Variants in SCAF11 observed in about 807,000 individuals in gnomAD.
SCAF11 encodes protein SCAF11.
A neutral mutation model predicts 140.5 loss-of-function variants in SCAF11; 47 were observed. That is an observed-to-expected ratio of 0.33 (90% CI 0.26 to 0.43). The LOEUF is 0.43. Among genes scored for constraint, SCAF11 ranks in the 20% least tolerant of loss-of-function variants. The pLI is 1.00. For synonymous variants in SCAF11, 557 were observed against 579.4 expected (o/e 0.96, Z 0.55); for missense variants, 1,645 against 1,705.1 (o/e 0.96, Z 0.62).
At chr12:45,941,017 C>A (rs770027824) in intron 6 of SCAF11, among the ~76,000 whole-genome samples, 3 of 152,040 alleles carry the variant, frequency 2.0e-5, no homozygotes, top group Non-Finnish European at 2.9e-5. Context: ...TTGCCTCAAT[C>A]TTATTTCTGA....
rs1240282737 is a variant in SCAF11 at position 45,990,496 on chromosome 12, T to C, written c.-165A>G. On this transcript the variant is annotated 5_prime_UTR_variant, in exon 1 of 15. Transcript: ENST00000369367. ...AGGGTCTCTAGGACACTGACTCCGCTGGCTCGGTCCGGAGGCGGCGGCGAA... is the reference window on the plus strand; with the variant it reads ...AGGGTCTCTAGGACACTGACTCCGCCGGCTCGGTCCGGAGGCGGCGGCGAA... The C allele has an allele frequency of 6.3e-5, 78 of 1,229,402 alleles. No individual in the cohort carries two copies. Among genetic ancestry groups the C allele is most frequent in the Non-Finnish European group, 7.5e-5 (74 of 987,046 alleles). 76.2% of individuals were successfully genotyped at this position (1,229,402 alleles called of 1,614,324 possible). A position where few individuals can be genotyped will look rare whatever the true frequency, so the allele number is the denominator to read the frequency against.
intron 1 of SCAF11, among the ~76,000 whole-genome samples, chr12:45,988,456 T>C (rs1442644200): frequency 1.3e-5 from 2 of 152,188 alleles, no homozygotes; most frequent in African/African-American, 2.4e-5. Context: ...CTCTGCTGAA[T>C]AAAAGCACAG....
intron 8 of SCAF11, among the ~76,000 whole-genome samples, chr12:45,933,435 T>G (rs1304920854): frequency 1.3e-5 from 2 of 152,108 alleles, no homozygotes; most frequent in African/African-American, 4.8e-5. Flanking sequence ...CAAATCAGAG[T>G]TGTATTTATA....
intron 3 of SCAF11, among the ~76,000 whole-genome samples, chr12:45,958,524 A>G (rs1423983826): frequency 6.6e-6 from 1 of 152,228 alleles, no homozygotes; most frequent in Non-Finnish European, 1.5e-5. Flanking sequence ...TAAATTAACA[A>G]AAATTTCAGC....
chr12:45,942,508 GCCCTAAATGATCTC>G (rs2136551475), intron 6 of SCAF11, among the ~76,000 whole-genome samples: 1 of 152,150 alleles, frequency 6.6e-6, no homozygotes, highest in South Asian at 2.1e-4. Context: ...GCTCACATTG[GCCCTAAATGATCTC>G]CCCTTATGTC....
chr12:45,932,720 G>C (rs1307029785), intron 9 of SCAF11, among the ~76,000 whole-genome samples: 1 of 152,112 alleles, frequency 6.6e-6, no homozygotes, highest in Admixed American at 6.5e-5. Context: ...TCAGGGTAGA[G>C]TAGGCACTTG....
chr12:45,946,059 T>G (rs1220444175), intron 5 of SCAF11, among the ~76,000 whole-genome samples: 1 of 152,116 alleles, frequency 6.6e-6, no homozygotes, highest in African/African-American at 2.4e-5. Flanking sequence ...CCACGCAGAC[T>G]AGAGGTAAGC....
At position 45,985,240 on chromosome 12, in the gene SCAF11, T is replaced by C. The variant is rs1487890025; in HGVS notation, c.-22+5113A>G. Among the ~76,000 whole-genome samples the C allele has an allele frequency of 3.3e-5, 5 of 152,356 alleles. No homozygotes were observed. In the South Asian group the frequency reaches 8.3e-4, roughly 25 times the overall value. On this transcript the variant is annotated intron_variant, in intron 1 of 14. Transcript: ENST00000369367. ...CTCCATTACCAAATTTATAACTCCC[T>C]TCTCACCAGGAGAACTCTGACTCAT...
chr12:45,928,083 C>T lies in SCAF11; in HGVS notation c.1618G>A (p.Asp540Asn). The T allele has an allele frequency of 6.2e-7, 1 of 1,613,940 alleles. No individual in the cohort carries two copies. The highest frequency in any genetic ancestry group is 8.5e-7 in the Non-Finnish European group (1 of 1,179,986). ...SGLSQSEVKT[D>N]VCTVHLPNDF... ...TTTGGAAGATGAACTGTACATACAT[C>T]TGTCTTTACCTCTGATTGTGAAAGT... The change falls in exon 11 of 15, where the codon GAT becomes AAT. Residue 540 changes from aspartate (D) to asparagine (N), a missense_variant. Around this residue, in one of 2 missense-constraint regions of SCAF11, gnomAD observed 1,582 missense variants for 1,609.2 expected, o/e 0.98. Transcript: ENST00000369367.
intron 6 of SCAF11, among the ~76,000 whole-genome samples, chr12:45,936,762 T>A (rs1477678715): frequency 6.6e-6 from 1 of 152,218 alleles, no homozygotes; most frequent in African/African-American, 2.4e-5. Flanking sequence ...TTTCTGAATC[T>A]CACATTGTTC....
chr12:45,937,811 T>C (rs751050381), intron 6 of SCAF11, among the ~76,000 whole-genome samples: 3 of 152,230 alleles, frequency 2.0e-5, no homozygotes, highest in Non-Finnish European at 4.4e-5. Flanking sequence ...CCATCATTTA[T>C]GCTAAAGTTT....
chr12:45,980,405 G>T (rs1946323242), intron 1 of SCAF11, among the ~76,000 whole-genome samples: 1 of 152,148 alleles, frequency 6.6e-6, no homozygotes, highest in East Asian at 1.9e-4. Context: ...TGTCAGGCAT[G>T]ATTCTAAACA....
At chr12:45,986,528 A>C (rs188521241) in intron 1 of SCAF11, among the ~76,000 whole-genome samples, 273 of 152,258 alleles carry the variant, frequency 1.8e-3, no homozygotes, top group Middle Eastern at 0.01. Flanking sequence ...CTTTCAATAC[A>C]CATCACCACA....
Position 45,927,334 on chromosome 12 carries a change from A to C in SCAF11, c.2367T>G (p.Thr789=), listed in dbSNP as rs761675966. Reference sequence around the variant, plus strand: ...ATGGAGAATGAAATCTAGATCTTCGAGTACGAGGCTTTTTGGTTTTATCTA... The same window carrying C: ...ATGGAGAATGAAATCTAGATCTTCGCGTACGAGGCTTTTTGGTTTTATCTA... ...DTIDKTKKPR[T]RRSRFHSPST... The change falls in exon 11 of 15, where the codon ACT becomes ACG. Residue 789 remains threonine, a synonymous_variant. Coordinates refer to ENST00000369367, the MANE Select transcript of SCAF11 (RefSeq NM_004719.3). 29 of 1,614,014 alleles carry C rather than the reference A, an allele frequency of 1.8e-5. No homozygotes were observed. The highest frequency in any genetic ancestry group is 1.8e-5 in the Non-Finnish European group (21 of 1,180,008).
intron 3 of SCAF11, chr12:45,956,236 T>G (rs1945689902): frequency 4.2e-6 from 3 of 706,252 alleles, no homozygotes; most frequent in Non-Finnish European, 7.9e-6. Context: ...GCTTAAAGAC[T>G]AAATCTCAAT....
intron 1 of SCAF11, chr12:45,974,396 C>A (rs904757275): frequency 1.1e-4 from 39 of 357,320 alleles, no homozygotes; most frequent in Non-Finnish European, 2.1e-4. Flanking sequence ...CAAAAAATTT[C>A]TCTGTGTACA....
At chr12:45,939,556 G>A (rs902482443) in intron 6 of SCAF11, among the ~76,000 whole-genome samples, 1 of 152,104 alleles carries the variant, frequency 6.6e-6, no homozygotes, top group African/African-American at 2.4e-5. Flanking sequence ...AAAGTAGCTG[G>A]GCATGGTGGC....
At position 45,945,229 on chromosome 12, in the gene SCAF11, AC is replaced by A; in HGVS notation, c.463+19del. The A allele has an allele frequency of 6.7e-7, 1 of 1,483,438 alleles. No homozygotes were observed. The highest frequency in any genetic ancestry group is 1.2e-5 in the South Asian group (1 of 82,592). The allele number at this position is 1,483,438 out of a possible 1,614,324, so 91.9% of individuals were successfully genotyped here. A position where few individuals can be genotyped will look rare whatever the true frequency, so the allele number is the denominator to read the frequency against. The stretch of plus-strand genomic sequence containing the variant: ...AACAACAAAAAAAAAGGTAGAATCC[AC>A]AAGCAAAAAGTAACTTACTATGTAT... On this transcript the variant is annotated intron_variant, in intron 6 of 14. Coordinates refer to ENST00000369367, the MANE Select transcript of SCAF11 (RefSeq NM_004719.3).
Position 45,927,241 on chromosome 12 carries a change from T to C in SCAF11, c.2460A>G (p.Arg820=), listed in dbSNP as rs763911353. 5.7e-5 allele frequency: 92 copies of C among 1,614,050 alleles called. No homozygotes were observed. Among genetic ancestry groups the C allele is most frequent in the Non-Finnish European group, 7.7e-5 (91 of 1,180,034 alleles). The change falls in exon 11 of 15, where the codon AGA becomes AGG. Residue 820 remains arginine, a synonymous_variant. Coordinates refer to ENST00000369367, the MANE Select transcript of SCAF11 (RefSeq NM_004719.3). The part of the protein sequence containing the change: ...EKKRPQSPSP[R]RETGKESRKS... ...TCCTGCTTTCTTTCCCAGTTTCTCT[T>C]CTGGGAGATGGAGACTGGGGCCGCT... is the stretch of plus-strand genomic sequence containing the variant.
Sources: gnomAD v4.1 joint callset for allele counts (sites outside exome capture counted in the v4.1 genomes callset) on GRCh38, gnomAD v4.1.1 for gene constraint, gnomAD v4.1.1 regional missense constraint, MANE v1.5 for transcripts, NCBI Gene and HGNC (gene_info 2026-07-23, HGNC 2026-07-21) for gene names.